The following CCDC171 variants were observed in gnomAD, a reference collection of about 807,000 sequenced individuals.
The protein encoded by CCDC171 is coiled-coil domain-containing protein 171.
In CCDC171, 177 loss-of-function variants were observed where a neutral mutation model predicts 168.2. That is an observed-to-expected ratio of 1.05 (90% CI 0.93 to 1.19). The LOEUF (loss-of-function observed/expected upper bound fraction) is 1.19. Ranked by LOEUF, CCDC171 falls within the 50% of genes most tolerant of loss-of-function variation. The pLI is 0.00. For synonymous variants in CCDC171, 687 were observed against 540.8 expected, an observed-to-expected ratio of 1.27 and a Z score of -3.75; for missense variants, 1,991 against 1,539.0, an observed-to-expected ratio of 1.29 and a Z score of -4.91.
rs983671974 is a variant in CCDC171 at position 15,973,739 on chromosome 9, G to A, written c.*1903G>A. On this transcript the variant is annotated 3_prime_UTR_variant, in exon 26 of 26. Coordinates refer to ENST00000380701, the MANE Select transcript of CCDC171 (RefSeq NM_173550.4). ...ACATTTCAGAACACCTTTCTCTGCT[G>A]TTCCAAACAATGATTAGGATATTGT... 1.3e-5 allele frequency: 2 copies of A among 152,128 alleles called. No individual in the cohort carries two copies. The highest frequency in any genetic ancestry group is 4.8e-5 in the African/African-American group (2 of 41,436). The allele number at this position is 152,128 out of a possible 1,614,324, so 9.4% of individuals were successfully genotyped here.
At chr9:15,985,338 A>G in intron 3 of CCDC171, among the ~76,000 whole-genome samples, 1 of 152,184 alleles carries the variant, frequency 6.6e-6, no homozygotes, top group East Asian at 1.9e-4. Flanking sequence ...GAACACACTG[A>G]TCCTTTAGTC....
chr9:15,706,244 GCTTCCTTC>G (rs535186319), intron 11 of CCDC171, among the ~76,000 whole-genome samples: 6 of 77,102 alleles, frequency 7.8e-5, no homozygotes, highest in African/African-American at 2.0e-4. Context: ...TTCCTTCCTT[GCTTCCTTC>G]CTTCCTTCCT....
At position 15,579,000 on chromosome 9, in the gene CCDC171, A is replaced by G. The variant is rs372234897; in HGVS notation, c.329A>G (p.His110Arg). ...RAAEERLAEA[H>R]RIQEKLCAQN... ...GCTGAAGAAAGATTAGCCGAGGCAC[A>G]TAGGATCCAAGAAAAACTCTGTGGT... Residue 110 changes from histidine (H) to arginine (R), a missense_variant, in exon 4 of 26, where the codon CAT (histidine) becomes CGT (arginine). Physicochemically the swap from His to Arg is conservative, Grantham distance 29. Coordinates refer to ENST00000380701, the MANE Select transcript of CCDC171 (RefSeq NM_173550.4). The G allele has an allele frequency of 3.7e-6, 6 of 1,613,790 alleles. No homozygotes were observed. In the African/African-American group the frequency reaches 6.7e-5, roughly 18 times the overall value.
chr9:15,755,738 A>G (rs1308759023), intron 18 of CCDC171, among the ~76,000 whole-genome samples: 1 of 152,226 alleles, frequency 6.6e-6, no homozygotes, highest in East Asian at 1.9e-4. Flanking sequence ...TGAAATGTCC[A>G]GAGTAGACAC....
intron 25 of CCDC171, among the ~76,000 whole-genome samples, chr9:15,963,173 G>T (rs1394404454): frequency 6.6e-6 from 1 of 152,032 alleles, no homozygotes; most frequent in Non-Finnish European, 1.5e-5. Context: ...ACACACCGGG[G>T]CCTGTTGTGG....
intron 9 of CCDC171, among the ~76,000 whole-genome samples, chr9:15,675,187 GTTT>G (rs138989790): frequency 1.1e-4 from 8 of 75,530 alleles, no homozygotes; most frequent in African/African-American, 2.3e-4. Flanking sequence ...TGCAACTCCT[GTTT>G]TTTTTTTTTT....
chr9:15,873,872 A>T (rs1817506627), intron 23 of CCDC171, among the ~76,000 whole-genome samples: 1 of 152,122 alleles, frequency 6.6e-6, no homozygotes, highest in African/African-American at 2.4e-5. Context: ...TACTTAAAAT[A>T]GAGTACAAAT....
intron 10 of CCDC171, among the ~76,000 whole-genome samples, chr9:15,680,609 C>T (rs1373077977): frequency 6.6e-6 from 1 of 152,158 alleles, no homozygotes; most frequent in East Asian, 1.9e-4. Flanking sequence ...GAACTGATAT[C>T]ATTGCTTGTT....
chr9:16,100,606 G>A, the CCDC171 span, among the ~76,000 whole-genome samples: 1 of 152,222 alleles, frequency 6.6e-6, no homozygotes, highest in Non-Finnish European at 1.5e-5. Flanking sequence ...AGTGAGAACT[G>A]GAAAGAATAA....
intron 25 of CCDC171, among the ~76,000 whole-genome samples, chr9:15,959,638 G>T (rs1390290210): frequency 6.6e-6 from 1 of 152,030 alleles, no homozygotes; most frequent in African/African-American, 2.4e-5. Flanking sequence ...ACAAGTCTAG[G>T]CCTTTTTGAA....
chr9:15,666,053 A>C, intron 8 of CCDC171, 110 bp from the exon 9 acceptor site: 1 of 912,216 alleles, frequency 1.1e-6, no homozygotes, highest in South Asian at 1.9e-5. Context: ...GCAGAAAGAA[A>C]GAAGTGCTTG....
intron 1 of CCDC171, among the ~76,000 whole-genome samples, chr9:16,058,049 A>AT (rs1564138848): frequency 6.7e-6 from 1 of 149,142 alleles, no homozygotes; most frequent in African/African-American, 2.6e-5. Flanking sequence ...TTTGAAAAAA[A>AT]AAAAATAATA....
chr9:16,017,986 C>T (rs1467511303), intron 3 of CCDC171, among the ~76,000 whole-genome samples: 1 of 152,172 alleles, frequency 6.6e-6, no homozygotes, highest in Non-Finnish European at 1.5e-5. Context: ...AGAAGCAGCA[C>T]AAAACATGCC....
At chr9:15,958,784 A>G (rs753135231) in intron 25 of CCDC171, among the ~76,000 whole-genome samples, 20 of 152,194 alleles carry the variant, frequency 1.3e-4, no homozygotes, top group East Asian at 9.6e-4. Flanking sequence ...CGTTAATGCA[A>G]TGGTAGTGTC....
intron 21 of CCDC171, among the ~76,000 whole-genome samples, chr9:15,789,958 T>C (rs1199043710): frequency 1.3e-5 from 2 of 152,266 alleles, no homozygotes; most frequent in East Asian, 1.9e-4. Flanking sequence ...TGCATAGTAT[T>C]CCATGGTGTA....
intron 20 of CCDC171, among the ~76,000 whole-genome samples, chr9:15,783,326 G>C (rs1182073510): frequency 6.6e-6 from 1 of 152,082 alleles, no homozygotes; most frequent in Admixed American, 6.6e-5. Flanking sequence ...AAAAATAAAA[G>C]ACAAAGTCTG....
chr9:15,815,887 T>C (rs1238107271), intron 21 of CCDC171, among the ~76,000 whole-genome samples: 1 of 117,318 alleles, frequency 8.5e-6, no homozygotes, highest in East Asian at 2.1e-4. Flanking sequence ...TATAAGACAG[T>C]TAATTATATT....
chr9:15,579,855 CATTT>C (rs1382109572), intron 4 of CCDC171, among the ~76,000 whole-genome samples: 2 of 151,998 alleles, frequency 1.3e-5, no homozygotes, highest in African/African-American at 4.8e-5. Flanking sequence ...TATATTTATC[CATTT>C]ATTATTGATG....
In CCDC171 at chr9:15,784,631, T is replaced by C. The variant is rs185139162; in HGVS notation, c.3204T>C (p.Tyr1068=). 2.4e-5 allele frequency: 39 copies of C among 1,613,464 alleles called. No individual in the cohort carries two copies. The highest frequency in any genetic ancestry group is 1.8e-4 in the South Asian group (16 of 91,032). ...EQAQQLQELN[Y]KLELHSSEEA... ...CACAACAACTACAGGAATTGAATTATAAACTTGAATTGCACTCCAGTGAGG... is the reference window on the plus strand; with the variant it reads ...CACAACAACTACAGGAATTGAATTACAAACTTGAATTGCACTCCAGTGAGG... The change falls in exon 21 of 26, where the codon TAT becomes TAC. Residue 1068 remains tyrosine (Y), a synonymous_variant. Coordinates refer to ENST00000380701, the MANE Select transcript of CCDC171 (RefSeq NM_173550.4).
Sources: gnomAD v4.1 joint callset for allele counts (sites outside exome capture counted in the v4.1 genomes callset) on GRCh38, gnomAD v4.1.1 for gene constraint, MANE v1.5 for transcripts, NCBI Gene and HGNC (gene_info 2026-07-23, HGNC 2026-07-21) for gene names.